Variants in HSH2D observed in about 807,000 individuals in gnomAD.
HSH2D encodes hematopoietic SH2 domain-containing protein.
In HSH2D, 16 loss-of-function variants were observed where a neutral mutation model predicts 21.5. That is an observed-to-expected ratio of 0.74 (90% CI 0.50 to 1.13). The LOEUF (loss-of-function observed/expected upper bound fraction) is 1.13, where lower values mean the gene tolerates loss of function less well. HSH2D is among the 50% of genes most tolerant of loss of function. The pLI, the probability that HSH2D is intolerant of heterozygous loss-of-function variation, is 0.00. For synonymous variants in HSH2D, 172 were observed against 184.7 expected, an observed-to-expected ratio of 0.93 and a Z score of 0.56; for missense variants, 418 against 441.4, an observed-to-expected ratio of 0.95 and a Z score of 0.47.
chr19:16,137,541 C>T (rs1016474997), intron 1 of HSH2D, among the ~76,000 whole-genome samples: 1 of 149,796 alleles, frequency 6.7e-6, no homozygotes, highest in Admixed American at 6.7e-5. Context: ...CATGCCACTG[C>T]ACTCCAGCCT....
upstream of HSH2D, among the ~76,000 whole-genome samples, chr19:16,142,340 T>C (rs1478820855): frequency 6.6e-6 from 1 of 152,230 alleles, no homozygotes; most frequent in Non-Finnish European, 1.5e-5. Flanking sequence ...TGCCCCTTCC[T>C]TCACGTCAGT....
chr19:16,154,639 C>T lies in HSH2D; in HGVS notation c.474+148C>T, dbSNP rs908925440. On this transcript the variant is annotated intron_variant, in intron 5 of 5. Coordinates refer to ENST00000613986, the MANE Select transcript of HSH2D (RefSeq NM_001382417.1). ...AAACCTTTCCAGTGCTTTTGCAACA[C>T]CGAGATTAAAATTCAAACTACAATC... 3 of 540,746 alleles carry T rather than the reference C, an allele frequency of 5.5e-6. No homozygotes were observed. The Admixed American group carries it at 1.0e-4, about 18-fold the overall frequency. 33.5% of individuals were successfully genotyped at this position (540,746 alleles called of 1,614,324 possible).
chr19:16,138,745 C>T (rs1290321123), upstream of HSH2D, among the ~76,000 whole-genome samples: 2 of 151,812 alleles, frequency 1.3e-5, no homozygotes, highest in East Asian at 1.9e-4. Context: ...TTTGAGCCAC[C>T]GCACCCAGCC....
chr19:16,153,726 C>T (rs2091197232), intron 4 of HSH2D, among the ~76,000 whole-genome samples: 1 of 149,680 alleles, frequency 6.7e-6, no homozygotes, highest in African/African-American at 2.5e-5. Context: ...CAGTGGGTGG[C>T]CTGGCTCCCA....
chr19:16,143,233 C>T (rs910840265), upstream of HSH2D, among the ~76,000 whole-genome samples: 9 of 152,208 alleles, frequency 5.9e-5, no homozygotes, highest in Admixed American at 1.3e-4. Flanking sequence ...TACAGGCGTG[C>T]GCCGCCACAC....
rs764073276 is a variant in HSH2D, at chr19:16,153,098, A to G, written c.271A>G (p.Met91Val). ...GAAGCTCTTGGATGATGGGACTTTC[A>G]TGATCCCCGGGGAGAAGGTGGCCCA... ...MVKLLDDGTF[M>V]IPGEKVAHTS... Residue 91 changes from methionine to valine, a missense_variant, in exon 4 of 6, where the codon ATG (methionine) becomes GTG (valine). Physicochemically the swap from Met to Val is conservative, Grantham distance 21. Coordinates refer to ENST00000613986, the MANE Select transcript of HSH2D (RefSeq NM_001382417.1). 6.2e-6 allele frequency: 10 copies of G among 1,609,506 alleles called. 1 individual carries two copies. The Admixed American group carries it at 6.7e-5, about 11-fold the overall frequency.
chr19:16,152,364 G>A lies in HSH2D; in HGVS notation c.126-188G>A, dbSNP rs1210484541. ...ATCCGGGAGGCGGAGCTTGCAGTAA[G>A]TTGAGATCGCGCCACTGCACTCCAG... is the stretch of plus-strand genomic sequence containing the variant. On this transcript the variant is annotated intron_variant, in intron 2 of 5. Transcript: ENST00000613986. Among the ~76,000 whole-genome samples, 4 of 149,302 alleles carry A rather than the reference G, an allele frequency of 2.7e-5. No individual in the cohort carries two copies. In the South Asian group the frequency reaches 6.4e-4, roughly 24 times the overall value.
At position 16,157,804 on chromosome 19, in the gene HSH2D, C is replaced by G; in HGVS notation, c.*10C>G. ...CCCTGGGTACTGCTAGAGAACAGGT[C>G]CACCCTGGCTCTGGGACTCGCTGCC... On this transcript the variant is annotated 3_prime_UTR_variant, in exon 6 of 6. Coordinates refer to ENST00000613986, the MANE Select transcript of HSH2D (RefSeq NM_001382417.1). This position sits in a 1 kb window ranked among gnomAD's most constrained non-coding sequence, Gnocchi z 4.4. The G allele has an allele frequency of 6.4e-7, 1 of 1,561,832 alleles. No individual in the cohort carries two copies. Among genetic ancestry groups the G allele is most frequent in the Non-Finnish European group, 8.6e-7 (1 of 1,158,122 alleles).
intron 1 of HSH2D, among the ~76,000 whole-genome samples, chr19:16,145,496 AG>A (rs996466197): frequency 6.6e-6 from 1 of 152,120 alleles, no homozygotes; most frequent in Non-Finnish European, 1.5e-5. Context: ...TACAGGTGTG[AG>A]CTACTGCACC....
rs546606939 is a variant in HSH2D, at chr19:16,154,911, T to C, written c.474+420T>C. The C allele has an allele frequency of 6.7e-5, 11 of 164,860 alleles. No individual in the cohort carries two copies. In the South Asian group the frequency reaches 1.4e-3, roughly 21 times the overall value. The allele number at this position is 164,860 out of a possible 1,614,324, so 10.2% of individuals were successfully genotyped here. On this transcript the variant is annotated intron_variant, in intron 5 of 5. Coordinates refer to ENST00000613986, the MANE Select transcript of HSH2D (RefSeq NM_001382417.1). ...TGGATTCTCCTTCACATTACCCTGT[T>C]TATTCACTGCAGCGGACTTCCCAAA...
intron 1 of HSH2D, among the ~76,000 whole-genome samples, chr19:16,145,249 G>C (rs974283168): frequency 1.3e-5 from 2 of 151,942 alleles, no homozygotes; most frequent in Admixed American, 6.6e-5. Flanking sequence ...GTCTTGCTCT[G>C]TTGCCCAGGC....
intron 1 of HSH2D, among the ~76,000 whole-genome samples, chr19:16,144,609 A>G (rs1419678675): frequency 1.2e-4 from 18 of 151,244 alleles, no homozygotes; most frequent in Admixed American, 1.1e-3. Flanking sequence ...CCATTAAGTG[A>G]CTTATCTGAG....
At chr19:16,136,101 C>T (rs1435512248) in intron 1 of HSH2D, among the ~76,000 whole-genome samples, 1 of 152,158 alleles carries the variant, frequency 6.6e-6, no homozygotes, top group African/African-American at 2.4e-5. Flanking sequence ...CCCTGGTGGT[C>T]CCTGGCTTAG....
At position 16,148,737 on chromosome 19, in the gene HSH2D, C is replaced by T; in HGVS notation, c.-14C>T. 6.2e-7 allele frequency: 1 copy of T among 1,613,910 alleles called. No individual in the cohort carries two copies. The highest frequency in any genetic ancestry group is 1.1e-5 in the South Asian group (1 of 91,076). Reference sequence around the variant, plus strand: ...TTCTCTACCCAGGTGACCTTCCCTCCACCCCAGGAAGCTATGACAGAGGCC... The same window carrying T: ...TTCTCTACCCAGGTGACCTTCCCTCTACCCCAGGAAGCTATGACAGAGGCC... On this transcript the variant is annotated 5_prime_UTR_variant, in exon 2 of 6. Coordinates refer to ENST00000613986, the MANE Select transcript of HSH2D (RefSeq NM_001382417.1).
In HSH2D at chr19:16,157,547, C is replaced by T; in HGVS notation, c.812C>T (p.Ala271Val). The T allele has an allele frequency of 6.2e-7, 1 of 1,613,840 alleles. No individual in the cohort carries two copies. Among genetic ancestry groups the T allele is most frequent in the East Asian group, 2.2e-5 (1 of 44,874 alleles). ...AGAGGCTACACGGATCCCTGTGTGG[C>T]CACATCTCTCAAAAGCCCCTCACAG... ...GDRGYTDPCV[A>V]TSLKSPSQPQ... Residue 271 changes from alanine to valine, a missense_variant, in exon 6 of 6, where the codon GCC becomes GTC. By Grantham distance (64) the Ala-to-Val change is moderately conservative. Coordinates refer to ENST00000613986, the MANE Select transcript of HSH2D (RefSeq NM_001382417.1). The surrounding 1 kb of genome is among the most constrained non-coding windows in gnomAD (Gnocchi z 4.4).
At chr19:16,156,873 C>CTA (rs2145064652) in intron 5 of HSH2D, among the ~76,000 whole-genome samples, 1 of 152,038 alleles carries the variant, frequency 6.6e-6, no homozygotes, top group African/African-American at 2.4e-5. Context: ...TTGGTTCTAG[C>CTA]TACTTGGGAG....
chr19:16,152,654 C>A lies in HSH2D; in HGVS notation c.215+13C>A. The A allele has an allele frequency of 6.5e-7, 1 of 1,542,242 alleles. No individual in the cohort carries two copies. Among genetic ancestry groups the A allele is most frequent in the Non-Finnish European group, 8.7e-7 (1 of 1,143,392 alleles). On this transcript the variant is annotated intron_variant, in intron 3 of 5. Coordinates refer to ENST00000613986, the MANE Select transcript of HSH2D (RefSeq NM_001382417.1). ...CACTCTCCTACAAGTAAGGCCTGGG[C>A]CGGGATCCAGGGCAGGGGCAGGTGG...
At chr19:16,142,970 T>C (rs1037578300), upstream of HSH2D, among the ~76,000 whole-genome samples, 1 of 151,062 alleles carries the variant, frequency 6.6e-6, no homozygotes, top group African/African-American at 2.4e-5. Flanking sequence ...GGTTTTACCA[T>C]GTTGGCCAGC....
upstream of HSH2D, among the ~76,000 whole-genome samples, chr19:16,142,652 G>A (rs113626032): frequency 7.1e-3 from 1,073 of 152,098 alleles, 10 homozygotes; most frequent in African/African-American, 0.024. Context: ...TAGTAGAGAC[G>A]GGATTTCTCC....
Sources: allele counts gnomAD v4.1 joint callset (sites outside exome capture counted in the v4.1 genomes callset), GRCh38; gene constraint gnomAD v4.1.1; non-coding constraint Gnocchi (gnomAD v3.1); transcripts MANE v1.5; gene names NCBI Gene and HGNC (gene_info 2026-07-23, HGNC 2026-07-21).